SFMBT2: variants seen among roughly 807,000 people sequenced by gnomAD.
The protein encoded by SFMBT2 is Scm like with four mbt domains 2.
Under a neutral mutation model 110.1 loss-of-function variants are expected in SFMBT2, and 38 were observed. The observed-to-expected ratio is 0.35, with a 90% CI of 0.27 to 0.45. SFMBT2 has a LOEUF of 0.45. SFMBT2 is among the 20% of genes least tolerant of loss of function. The pLI, the probability that SFMBT2 is intolerant of heterozygous loss-of-function variation, is 1.00. For missense variants in SFMBT2, 1,011 were observed against 1,094.9 expected (o/e 0.92, Z 1.08); for synonymous variants, 425 against 425.4 (o/e 1.00, Z 0.01).
intron 2 of SFMBT2, among the ~76,000 whole-genome samples, chr10:7,381,180 A>C (rs971751910): frequency 5.3e-5 from 8 of 152,148 alleles, no homozygotes; most frequent in African/African-American, 1.9e-4. Context: ...GATTTCTGGA[A>C]GGGAGACGCA....
At chr10:7,266,180 C>T (rs1841385258) in intron 7 of SFMBT2, among the ~76,000 whole-genome samples, 1 of 152,002 alleles carries the variant, frequency 6.6e-6, no homozygotes, top group African/African-American at 2.4e-5. Context: ...ACCTCCGCCT[C>T]CCGGGTTCAA....
In SFMBT2 at chr10:7,336,673, CAA is replaced by C. The variant is rs1396774094; in HGVS notation, c.436+30974_436+30975del. ...TGTCTCAATCAATCAATCAATCAATCAATCAATCAATCAGAGAGATCCGGATA... is the reference window on the plus strand; with the variant it reads ...TGTCTCAATCAATCAATCAATCAATCTCAATCAATCAGAGAGATCCGGATA... On this transcript the variant is annotated intron_variant, in intron 4 of 20. Transcript: ENST00000397167. Among the ~76,000 whole-genome samples, 9 of 152,064 alleles carry C rather than the reference CAA, an allele frequency of 5.9e-5. No homozygotes were observed. In the East Asian group the frequency reaches 1.7e-3, roughly 29 times the overall value.
rs1236411838 is a variant in SFMBT2 at position 7,171,386 on chromosome 10, C to T, written c.2416-330G>A. On this transcript the variant is annotated intron_variant, in intron 19 of 20. Transcript: ENST00000397167. This position sits in a 1 kb window ranked among gnomAD's most constrained non-coding sequence, Gnocchi z 4.9. ...GAAAAGAGGAGAAATACAAGGGGCACGTCCAAGCAGACACGAGACAGTGTC... is the reference window on the plus strand; with the variant it reads ...GAAAAGAGGAGAAATACAAGGGGCATGTCCAAGCAGACACGAGACAGTGTC... 5 of 985,246 alleles carry T rather than the reference C, an allele frequency of 5.1e-6. No individual in the cohort carries two copies. The highest frequency in any genetic ancestry group is 3.5e-5 in the African/African-American group (2 of 57,234). 61.0% of individuals were successfully genotyped at this position (985,246 alleles called of 1,614,324 possible).
In SFMBT2 at chr10:7,293,289, G is replaced by T. The variant is rs1231220461; in HGVS notation, c.437-7335C>A. 2.6e-5 allele frequency among the ~76,000 whole-genome samples: 4 copies of T among 152,076 alleles called. No individual in the cohort carries two copies. Among genetic ancestry groups the T allele is most frequent in the Admixed American group, 2.0e-4 (3 of 15,280 alleles). ...AATTTTTGTATTTTTAGAAGACACC[G>T]GGTTTCACCATGTTGGCCAGGCTGG... On this transcript the variant is annotated intron_variant, in intron 4 of 20. Transcript: ENST00000397167. This position sits in a 1 kb window ranked among gnomAD's most constrained non-coding sequence, Gnocchi z 4.6.
At chr10:7,236,356 A>C (rs374461498) in intron 9 of SFMBT2, among the ~76,000 whole-genome samples, 11 of 152,310 alleles carry the variant, frequency 7.2e-5, no homozygotes, top group African/African-American at 2.6e-4. Flanking sequence ...ATTTTGAACA[A>C]AAATAAAGAA....
At chr10:7,232,736 A>C (rs1033727305) in intron 9 of SFMBT2, among the ~76,000 whole-genome samples, 4 of 152,220 alleles carry the variant, frequency 2.6e-5, no homozygotes, top group Admixed American at 2.0e-4. Context: ...GTATTTTTCC[A>C]AGTTTTTAAT....
chr10:7,207,071 C>T (rs936725052), intron 11 of SFMBT2: 1 of 219,288 alleles, frequency 4.6e-6, no homozygotes, highest in Admixed American at 6.5e-5. Flanking sequence ...ACAAAAAATA[C>T]AAAATTAGCC....
At chr10:7,229,594 CAAAA>C (rs527488752) in intron 9 of SFMBT2, among the ~76,000 whole-genome samples, 1 of 116,496 alleles carries the variant, frequency 8.6e-6, no homozygotes. Flanking sequence ...GACTCCATCT[CAAAA>C]AAAAAAAAAA....
chr10:7,240,802 C>G (rs894876254), intron 9 of SFMBT2, among the ~76,000 whole-genome samples: 13 of 152,166 alleles, frequency 8.5e-5, no homozygotes, highest in Admixed American at 8.5e-4. Flanking sequence ...GTATTGTGTG[C>G]TCTTCTGAGG....
chr10:7,176,281 G>T, intron 16 of SFMBT2, 116 bp from the exon 17 acceptor site: 1 of 1,157,812 alleles, frequency 8.6e-7, no homozygotes, highest in Non-Finnish European at 1.2e-6. Flanking sequence ...AGCATATCGC[G>T]TGCAGTTTCC....
chr10:7,179,793 G>A (rs149548778), intron 16 of SFMBT2, among the ~76,000 whole-genome samples: 3 of 152,288 alleles, frequency 2.0e-5, no homozygotes, highest in African/African-American at 7.2e-5. Flanking sequence ...GAACCAGGCT[G>A]GCTTAATTTT....
intron 4 of SFMBT2, among the ~76,000 whole-genome samples, chr10:7,357,413 AT>A (rs1759687343): frequency 6.6e-6 from 1 of 152,096 alleles, no homozygotes; most frequent in South Asian, 2.1e-4. Flanking sequence ...GCCCAAATAG[AT>A]TGAAAGGCTG....
chr10:7,335,748 T>C (rs537276400), intron 4 of SFMBT2, among the ~76,000 whole-genome samples: 105 of 152,260 alleles, frequency 6.9e-4, no homozygotes, highest in Middle Eastern at 3.4e-3. Flanking sequence ...GAAATAACAC[T>C]TTCTGTATCT....
intron 7 of SFMBT2, among the ~76,000 whole-genome samples, chr10:7,257,208 ATCT>A (rs1276849341): frequency 3.3e-5 from 5 of 152,270 alleles, no homozygotes; most frequent in Middle Eastern, 3.4e-3. Context: ...AAACTGCAAT[ATCT>A]TGGTGTCCTG....
At chr10:7,387,792 AAAC>A (rs2072486441) in intron 1 of SFMBT2, among the ~76,000 whole-genome samples, 1 of 151,708 alleles carries the variant, frequency 6.6e-6, no homozygotes, top group African/African-American at 2.4e-5. Context: ...AAAAAAAAAA[AAAC>A]CAATTAGCTG....
intron 2 of SFMBT2, among the ~76,000 whole-genome samples, chr10:7,376,312 A>G (rs533899652): frequency 5.9e-5 from 9 of 152,188 alleles, no homozygotes; most frequent in African/African-American, 1.4e-4. Context: ...GCTTATTCTA[A>G]TCACATATTC....
intron 7 of SFMBT2, among the ~76,000 whole-genome samples, chr10:7,270,330 C>CT (rs962649361): frequency 2.6e-5 from 4 of 152,176 alleles, no homozygotes; most frequent in African/African-American, 9.7e-5. Context: ...ATTTCACACA[C>CT]TAGTCTCCAG....
intron 10 of SFMBT2, among the ~76,000 whole-genome samples, chr10:7,226,463 GT>G (rs1255779703): frequency 6.6e-6 from 1 of 152,214 alleles, no homozygotes; most frequent in African/African-American, 2.4e-5. Context: ...CAATGACAGT[GT>G]GGCAGCAACG....
rs141754565 is a variant in SFMBT2 at position 7,326,871 on chromosome 10, C to T, written c.436+40778G>A. Among the ~76,000 whole-genome samples the T allele has an allele frequency of 2.8e-3, 433 of 152,232 alleles. 3 individuals are homozygous for T. The highest frequency in any genetic ancestry group is 1.0e-2 in the African/African-American group (415 of 41,512). On this transcript the variant is annotated intron_variant, in intron 4 of 20. Transcript: ENST00000397167. ...TTGCTTCCAAAGCTGCTCTTAAAACCGAACTAGATTCCCTTTTGGTGTTCC... is the reference window on the plus strand; with the variant it reads ...TTGCTTCCAAAGCTGCTCTTAAAACTGAACTAGATTCCCTTTTGGTGTTCC...
Sources: gnomAD v4.1 joint callset for allele counts (sites outside exome capture counted in the v4.1 genomes callset) on GRCh38, gnomAD v4.1.1 for gene constraint, Gnocchi (gnomAD v3.1) non-coding constraint, MANE v1.5 for transcripts, NCBI Gene and HGNC (gene_info 2026-07-23, HGNC 2026-07-21) for gene names.